AGPS: variants seen among roughly 807,000 people sequenced by gnomAD.
AGPS encodes alkyldihydroxyacetonephosphate synthase, peroxisomal.
A neutral mutation model predicts 90.7 loss-of-function variants in AGPS; 26 were observed. That is an observed-to-expected ratio of 0.29 (90% CI 0.21 to 0.40). The LOEUF is 0.40. AGPS is among the 10% of genes least tolerant of loss of function. The pLI, the probability that AGPS is intolerant of heterozygous loss-of-function variation, is 1.00. For missense variants in AGPS, 540 were observed against 816.1 expected (o/e 0.66, Z 4.12); for synonymous variants, 294 against 285.3 (o/e 1.03, Z -0.31).
At chr2:177,508,513 T>A (rs1487627753) in intron 16 of AGPS, among the ~76,000 whole-genome samples, 1 of 152,198 alleles carries the variant, frequency 6.6e-6, no homozygotes, top group Non-Finnish European at 1.5e-5. Flanking sequence ...AATTTCTGTT[T>A]TTAAATTTAA....
intron 19 of AGPS, among the ~76,000 whole-genome samples, chr2:177,531,940 A>T (rs1282493427): frequency 1.3e-5 from 2 of 152,092 alleles, no homozygotes; most frequent in Non-Finnish European, 2.9e-5. Context: ...CGGGGGGAAG[A>T]ACTCTGACCT....
At chr2:177,473,882 G>T (rs1687698435) in intron 10 of AGPS, among the ~76,000 whole-genome samples, 1 of 152,158 alleles carries the variant, frequency 6.6e-6, no homozygotes, top group South Asian at 2.1e-4. Context: ...TTGCAGTAAT[G>T]CAATGCCTCG....
chr2:177,475,091 A>G (rs1040229537), intron 10 of AGPS, among the ~76,000 whole-genome samples: 6 of 152,206 alleles, frequency 3.9e-5, no homozygotes, highest in African/African-American at 1.4e-4. Context: ...AAGAGCAAAT[A>G]GAAGAGATGA....
rs1553511649 is a variant in AGPS at position 177,450,964 on chromosome 2, A to ATATATATACACACATATATGTATATATG, written c.870+5346_870+5347insCACACATATATGTATATATGTATATATA. ...ACGGTTTTCTATGTACATGTCTTTCATATATATATATTTTAGAGACAAGAT... is the reference window on the plus strand; with the variant it reads ...ACGGTTTTCTATGTACATGTCTTTCATATATATACACACATATATGTATATATGTATATATATATTTTAGAGACAAGAT... On this transcript the variant is annotated intron_variant, in intron 8 of 19. Transcript: ENST00000264167. 7.0e-3 allele frequency among the ~76,000 whole-genome samples: 872 copies of ATATATATACACACATATATGTATATATG among 123,762 alleles called. 84 individuals are homozygous for ATATATATACACACATATATGTATATATG. The highest frequency in any genetic ancestry group is 0.028 in the African/African-American group (745 of 26,904). 81.2% of individuals were successfully genotyped at this position (123,762 alleles called of 152,430 possible).
intron 10 of AGPS, among the ~76,000 whole-genome samples, chr2:177,477,144 A>G (rs1289026942): frequency 1.3e-5 from 2 of 151,930 alleles, no homozygotes; most frequent in Non-Finnish European, 2.9e-5. Context: ...ATTTAATGTT[A>G]TTATTGGTAT....
intron 2 of AGPS, among the ~76,000 whole-genome samples, chr2:177,430,141 A>G (rs1686196947): frequency 6.6e-6 from 1 of 152,220 alleles, no homozygotes. Context: ...GACTGCCTGG[A>G]GCTGGCAGGC....
intron 9 of AGPS, among the ~76,000 whole-genome samples, chr2:177,462,802 T>C (rs2105667765): frequency 6.6e-6 from 1 of 152,342 alleles, no homozygotes; most frequent in South Asian, 2.1e-4. Flanking sequence ...GCATAGGTTT[T>C]ATATAAATAC....
At chr2:177,468,596 G>C in intron 10 of AGPS, 72 bp downstream of exon 10, 1 of 1,047,996 alleles carries the variant, frequency 9.5e-7, no homozygotes, top group Admixed American at 1.7e-5. Flanking sequence ...TCTTTATATT[G>C]TGACATCAGA....
intron 19 of AGPS, among the ~76,000 whole-genome samples, chr2:177,525,942 G>T (rs2079082925): frequency 6.6e-6 from 1 of 152,114 alleles, no homozygotes; most frequent in African/African-American, 2.4e-5. Flanking sequence ...TTCTTGGTAG[G>T]CTCTAACAGA....
chr2:177,525,598 A>T (rs1401615307), intron 19 of AGPS, among the ~76,000 whole-genome samples: 1 of 152,214 alleles, frequency 6.6e-6, no homozygotes, highest in Non-Finnish European at 1.5e-5. Context: ...AGAGCAGCTG[A>T]ATCATATATA....
intron 16 of AGPS, among the ~76,000 whole-genome samples, chr2:177,509,665 CAA>C (rs59032397): frequency 1.4e-3 from 168 of 120,436 alleles, no homozygotes; most frequent in South Asian, 3.3e-3. Context: ...GACTCCATCT[CAA>C]AAAAAAAAAA....
At position 177,543,065 on chromosome 2, in the gene AGPS, A is replaced by C. The variant is rs923197914; in HGVS notation, c.*4870A>C. 3 of 152,230 alleles carry C rather than the reference A, an allele frequency of 2.0e-5. No individual in the cohort carries two copies. Among genetic ancestry groups the C allele is most frequent in the Non-Finnish European group, 4.4e-5 (3 of 68,044 alleles). The allele number at this position is 152,230 out of a possible 1,614,324, so 9.4% of individuals were successfully genotyped here. On this transcript the variant is annotated 3_prime_UTR_variant, in exon 20 of 20. Transcript: ENST00000264167. ...GTATGGTGGACCTGTACTCTGATACACATCGAATCAGTCAATGGGATTTGT... is the reference window on the plus strand; with the variant it reads ...GTATGGTGGACCTGTACTCTGATACCCATCGAATCAGTCAATGGGATTTGT...
Position 177,432,193 on chromosome 2 carries a change from T to G in AGPS, c.351-2134T>G, listed in dbSNP as rs183050734. ...TTTCTTTCCATGTAGAATGATTTCATTGGCCTTGAAAACTTGTTCTGGTTC... is the reference window on the plus strand; with the variant it reads ...TTTCTTTCCATGTAGAATGATTTCAGTGGCCTTGAAAACTTGTTCTGGTTC... On this transcript the variant is annotated intron_variant, in intron 2 of 19. Transcript: ENST00000264167. Among the ~76,000 whole-genome samples the G allele has an allele frequency of 2.1e-3, 326 of 152,364 alleles. 2 individuals are homozygous for G. The highest frequency in any genetic ancestry group is 7.4e-3 in the African/African-American group (309 of 41,594).
At chr2:177,537,067 C>A (rs2079190750) in intron 19 of AGPS, among the ~76,000 whole-genome samples, 1 of 152,098 alleles carries the variant, frequency 6.6e-6, no homozygotes, top group Non-Finnish European at 1.5e-5. Context: ...CGTTTGAATT[C>A]AATTAGTATG....
At chr2:177,418,570 A>G in intron 1 of AGPS, among the ~76,000 whole-genome samples, 1 of 152,136 alleles carries the variant, frequency 6.6e-6, no homozygotes, top group East Asian at 1.9e-4. Context: ...AAATTCACTA[A>G]TAAAATGCAA....
chr2:177,440,865 G>A (rs907693185), intron 5 of AGPS, 100 bp from the exon 6 acceptor site: 39 of 979,464 alleles, frequency 4.0e-5, no homozygotes, highest in African/African-American at 8.1e-5. Flanking sequence ...AATGAATGAA[G>A]GAAAAGTTTA....
chr2:177,456,242 T>C (rs1559054216), intron 8 of AGPS, among the ~76,000 whole-genome samples: 3 of 152,202 alleles, frequency 2.0e-5, no homozygotes, highest in South Asian at 2.1e-4. Context: ...TGGACCTTTC[T>C]TCAGCAAATT....
intron 7 of AGPS, among the ~76,000 whole-genome samples, chr2:177,444,310 A>G (rs1327079813): frequency 6.6e-6 from 1 of 151,648 alleles, no homozygotes; most frequent in East Asian, 1.9e-4. Flanking sequence ...AAACCCAGCT[A>G]CTCAGGAGGC....
In AGPS at chr2:177,521,329, G is replaced by A; in HGVS notation, c.1758G>A (p.Arg586=). 6.2e-7 allele frequency: 1 copy of A among 1,614,034 alleles called. No homozygotes were observed. The change falls in exon 18 of 20, where the codon AGG becomes AGA. Residue 586 remains arginine (R), a synonymous_variant. Transcript: ENST00000264167. ...CIYFYFAFNY[R]GISDPLTVFE... is the part of the protein sequence containing the mutation. ...ACTTCTATTTTGCCTTTAACTACAG[G>A]GGAATTAGTGACCCACTGACCGTAT...
Sources: allele counts gnomAD v4.1 joint callset (sites outside exome capture counted in the v4.1 genomes callset), GRCh38; gene constraint gnomAD v4.1.1; transcripts MANE v1.5; gene names NCBI Gene and HGNC (gene_info 2026-07-23, HGNC 2026-07-21).